The following SLCO1A2 variants were observed in gnomAD, a reference collection of about 807,000 sequenced individuals.
SLCO1A2 encodes OATP-1.
SLCO1A2 carries 67 observed loss-of-function variants against 69.0 expected under a neutral mutation model. The observed-to-expected ratio is 0.97, with a 90% CI of 0.80 to 1.19. SLCO1A2 has a LOEUF of 1.19. SLCO1A2 is among the 50% of genes most tolerant of loss of function. The pLI is 0.00. For synonymous variants in SLCO1A2, 260 were observed against 265.9 expected (o/e 0.98, Z 0.22); for missense variants, 787 against 793.7 (o/e 0.99, Z 0.10).
rs889343577 is a variant in SLCO1A2, at chr12:21,266,530, A to T, written c.*3018T>A. 2.6e-5 allele frequency: 4 copies of T among 152,098 alleles called. No individual in the cohort carries two copies. In the South Asian group the frequency reaches 8.3e-4, roughly 32 times the overall value. 9.4% of individuals were successfully genotyped at this position (152,098 alleles called of 1,614,324 possible). Reference sequence around the variant, plus strand: ...AATGTAGATAAATAATATTTATTTCATAATAATAAATGATTCTGATGGCAC... The same window carrying T: ...AATGTAGATAAATAATATTTATTTCTTAATAATAAATGATTCTGATGGCAC... On this transcript the variant is annotated 3_prime_UTR_variant, in exon 15 of 15. Transcript: ENST00000683939.
upstream of SLCO1A2, among the ~76,000 whole-genome samples, chr12:21,396,984 C>G (rs1312330313): frequency 6.6e-6 from 1 of 150,844 alleles, no homozygotes; most frequent in East Asian, 2.0e-4. Flanking sequence ...AAATAACCAG[C>G]TAACATCATA....
chr12:21,296,040 G>A (rs1419051228), intron 9 of SLCO1A2, among the ~76,000 whole-genome samples: 1 of 152,126 alleles, frequency 6.6e-6, no homozygotes, highest in South Asian at 2.1e-4. Context: ...ACTCATTGCA[G>A]TAGCTTGTGA....
chr12:21,335,901 A>T (rs1389646444), upstream of SLCO1A2, among the ~76,000 whole-genome samples: 1 of 152,158 alleles, frequency 6.6e-6, no homozygotes, highest in African/African-American at 2.4e-5. Flanking sequence ...GCCTACAGAG[A>T]GTATAAACTA....
intron 1 of SLCO1A2, among the ~76,000 whole-genome samples, chr12:21,387,589 C>G (rs12832693): frequency 0.12 from 18,638 of 152,226 alleles, 1,470 homozygotes; most frequent in Non-Finnish European, 0.17. Flanking sequence ...GGTTTGGGAA[C>G]CTCCACCTAG....
chr12:21,307,070 C>A lies in SLCO1A2; in HGVS notation c.336-82G>T, dbSNP rs1012454926. The A allele has an allele frequency of 3.4e-5, 31 of 901,324 alleles. No homozygotes were observed. In the African/African-American group the frequency reaches 5.1e-4, roughly 15 times the overall value. 55.8% of individuals were successfully genotyped at this position (901,324 alleles called of 1,614,324 possible). A position where few individuals can be genotyped will look rare whatever the true frequency, so the allele number is the denominator to read the frequency against. On this transcript the variant is annotated intron_variant, in intron 4 of 14. Transcript: ENST00000683939. ...GCAATGTGCAGATTGTTACCTTCTG[C>A]TTCCCATACAACACAATATCCAAAT...
Position 21,347,669 on chromosome 12 carries a change from A to G in SLCO1A2, c.-62-12960T>C, listed in dbSNP as rs12099809. On this transcript the variant is annotated intron_variant, in intron 2 of 15. Transcript: ENST00000307378. ...GGAAAGAAGGAAAGAAGAAAGAAAG[A>G]AAGGAAGGAAGGAAGGAAGGAAGGA... Among the ~76,000 whole-genome samples the G allele has an allele frequency of 7.6e-3, 864 of 113,430 alleles. 9 individuals are homozygous for G. The highest frequency in any genetic ancestry group is 0.024 in the African/African-American group (610 of 25,072). 74.4% of individuals were successfully genotyped at this position (113,430 alleles called of 152,430 possible).
At chr12:21,322,482 G>A (rs1284027446) in intron 2 of SLCO1A2, among the ~76,000 whole-genome samples, 3 of 152,194 alleles carry the variant, frequency 2.0e-5, no homozygotes, top group Admixed American at 1.3e-4. Context: ...GAAGCAGGGG[G>A]TTCCCAGTCA....
At chr12:21,416,217 C>T (rs1941985274) in intron 1 of SLCO1A2, among the ~76,000 whole-genome samples, 1 of 151,840 alleles carries the variant, frequency 6.6e-6, no homozygotes, top group South Asian at 2.1e-4. Flanking sequence ...TTATTTGAGT[C>T]TGGGAGCTCA....
exon 1 of SLCO1A2, chr12:21,394,941 G>A (rs10841803): frequency 0.16 from 23,589 of 152,184 alleles, 2,023 homozygotes; most frequent in East Asian, 0.38. Flanking sequence ...TAACATAGCA[G>A]GCACTTCACA....
intron 2 of SLCO1A2, among the ~76,000 whole-genome samples, chr12:21,348,707 C>G (rs34103511): frequency 0.035 from 5,353 of 152,246 alleles, 140 homozygotes; most frequent in Non-Finnish European, 0.053. Flanking sequence ...GGAATCAAAG[C>G]CAGAAGACAT....
At chr12:21,339,947 G>C (rs899154153) in intron 2 of SLCO1A2, among the ~76,000 whole-genome samples, 1 of 151,934 alleles carries the variant, frequency 6.6e-6, no homozygotes, top group Non-Finnish European at 1.5e-5. Context: ...TTGCAATAGA[G>C]TTAGATGAAA....
exon 1 of SLCO1A2, chr12:21,394,975 A>C (rs192788642): frequency 6.6e-6 from 1 of 152,424 alleles, no homozygotes; most frequent in African/African-American, 2.4e-5. Context: ...GTGCTGTGAA[A>C]TAACCAAGGT....
intron 1 of SLCO1A2, among the ~76,000 whole-genome samples, chr12:21,375,401 T>C (rs1465828146): frequency 6.6e-6 from 1 of 152,198 alleles, no homozygotes; most frequent in Non-Finnish European, 1.5e-5. Flanking sequence ...GGAAAATCTA[T>C]GGGGAAAATG....
chr12:21,275,352 A>G lies in SLCO1A2; in HGVS notation c.1675+8T>C, dbSNP rs1379552166. On this transcript the variant is annotated splice_region_variant and intron_variant, in intron 13 of 14. Transcript: ENST00000683939. ...TGATAGGATGTGGGAAAAAATAACT[A>G]TTTTTACCAAATACTCTTGTGCAAA... 3.2e-6 allele frequency: 5 copies of G among 1,552,952 alleles called. No homozygotes were observed. The highest frequency in any genetic ancestry group is 2.4e-5 in the South Asian group (2 of 84,028).
chr12:21,411,455 A>G (rs1941905735), intron 1 of SLCO1A2, among the ~76,000 whole-genome samples: 1 of 152,126 alleles, frequency 6.6e-6, no homozygotes, highest in Admixed American at 6.5e-5. Context: ...TCATTCTATT[A>G]CACTGTGTCA....
chr12:21,317,243 T>C (rs1565494765), intron 3 of SLCO1A2, among the ~76,000 whole-genome samples: 1 of 152,190 alleles, frequency 6.6e-6, no homozygotes, highest in East Asian at 1.9e-4. Flanking sequence ...CACAAAGCTC[T>C]CATTAACCCA....
At chr12:21,272,667 A>G (rs937469595) in intron 14 of SLCO1A2, among the ~76,000 whole-genome samples, 1 of 151,934 alleles carries the variant, frequency 6.6e-6, no homozygotes, top group Non-Finnish European at 1.5e-5. Context: ...TTTTTGATCT[A>G]TCTATCTCTT....
Position 21,292,355 on chromosome 12 carries a change from T to G in SLCO1A2, c.1438-19A>C, listed in dbSNP as rs1565476206. 1 of 1,597,578 alleles carries G rather than the reference T, an allele frequency of 6.3e-7. No homozygotes were observed. The highest frequency in any genetic ancestry group is 1.7e-5 in the Admixed American group (1 of 57,914). ...GGAACACCTGCCAAAAAATAACATATTATACTAAGAAGTAAAAATCTTGAA... is the reference window on the plus strand; with the variant it reads ...GGAACACCTGCCAAAAAATAACATAGTATACTAAGAAGTAAAAATCTTGAA... On this transcript the variant is annotated intron_variant, in intron 11 of 14. Transcript: ENST00000683939.
At chr12:21,312,571 T>G (rs1006818511) in intron 4 of SLCO1A2, among the ~76,000 whole-genome samples, 1 of 152,224 alleles carries the variant, frequency 6.6e-6, no homozygotes, top group Non-Finnish European at 1.5e-5. Flanking sequence ...CTGAGCTTAA[T>G]GATTTCTAGC....
Sources: gnomAD v4.1 joint callset for allele counts (sites outside exome capture counted in the v4.1 genomes callset) on GRCh38, gnomAD v4.1.1 for gene constraint, MANE v1.5 for transcripts, NCBI Gene and HGNC (gene_info 2026-07-23, HGNC 2026-07-21) for gene names.